Variants in CTNNA3 observed in about 807,000 individuals in gnomAD.
CTNNA3 encodes the protein catenin alpha 3, also known as catenin alpha-3.
CTNNA3 carries 76 observed loss-of-function variants against 95.7 expected under a neutral mutation model. That is an observed-to-expected ratio of 0.79 (90% CI 0.66 to 0.96). The LOEUF (loss-of-function observed/expected upper bound fraction) is 0.96, where lower values mean the gene tolerates loss of function less well. Ranked by LOEUF, CTNNA3 falls within the 40% of genes least tolerant of loss-of-function variation. CTNNA3 has a pLI of 0.00. For missense variants in CTNNA3, 1,191 were observed against 1,089.8 expected (o/e 1.09, Z -1.31); for synonymous variants, 431 against 374.4 (o/e 1.15, Z -1.74).
chr10:67,526,222 A>G (rs553656856), intron 4 of CTNNA3, among the ~76,000 whole-genome samples: 1 of 152,332 alleles, frequency 6.6e-6, no homozygotes, highest in South Asian at 2.1e-4. Context: ...AAATTATTTA[A>G]TGTTTCTGAA....
chr10:66,463,147 T>C (rs573837244), intron 11 of CTNNA3, among the ~76,000 whole-genome samples: 1 of 152,188 alleles, frequency 6.6e-6, no homozygotes, highest in Non-Finnish European at 1.5e-5. Flanking sequence ...CTGAAAAATC[T>C]CTTGTTGAAA....
intron 7 of CTNNA3, among the ~76,000 whole-genome samples, chr10:66,870,810 T>A (rs1219102317): frequency 6.6e-6 from 1 of 152,176 alleles, no homozygotes; most frequent in African/African-American, 2.4e-5. Context: ...TTTATGATTT[T>A]CTTTGTAGGG....
intron 9 of CTNNA3, among the ~76,000 whole-genome samples, chr10:66,659,636 A>G (rs1271347604): frequency 6.6e-6 from 1 of 152,102 alleles, no homozygotes; most frequent in African/African-American, 2.4e-5. Flanking sequence ...TGGGAGGTGG[A>G]TGGTTAATGA....
intron 11 of CTNNA3, among the ~76,000 whole-genome samples, chr10:66,515,551 T>A (rs567376425): frequency 6.6e-6 from 1 of 152,084 alleles, no homozygotes; most frequent in Non-Finnish European, 1.5e-5. Flanking sequence ...AAGATCATTG[T>A]ATTAGTCCAT....
At chr10:66,968,400 C>A (rs1482010881) in intron 7 of CTNNA3, among the ~76,000 whole-genome samples, 2 of 145,174 alleles carry the variant, frequency 1.4e-5, no homozygotes, top group African/African-American at 2.5e-5. Flanking sequence ...ATTAGTTTGA[C>A]ATTAAGGGAA....
At chr10:67,558,385 A>G (rs1429727371) in intron 3 of CTNNA3, among the ~76,000 whole-genome samples, 1 of 152,224 alleles carries the variant, frequency 6.6e-6, no homozygotes, top group Non-Finnish European at 1.5e-5. Context: ...CAGTTCTACC[A>G]TGCTTAAAAA....
intron 5 of CTNNA3, among the ~76,000 whole-genome samples, chr10:67,316,006 A>G (rs1444874873): frequency 6.6e-6 from 1 of 152,150 alleles, no homozygotes; most frequent in Non-Finnish European, 1.5e-5. Context: ...TGTTAATTTC[A>G]AACTCTTAGA....
chr10:66,520,492 T>C, intron 11 of CTNNA3, 125 bp downstream of exon 11: 3 of 736,620 alleles, frequency 4.1e-6, no homozygotes, highest in Non-Finnish European at 6.2e-6. Flanking sequence ...CCTCAAGTAA[T>C]CCACCTGCCT....
At chr10:66,193,435 T>A (rs1410836923) in intron 13 of CTNNA3, among the ~76,000 whole-genome samples, 1 of 152,110 alleles carries the variant, frequency 6.6e-6, no homozygotes, top group African/African-American at 2.4e-5. Context: ...AAATTATGCA[T>A]TGGATTTAGC....
chr10:67,158,266 C>CA lies in CTNNA3; in HGVS notation c.1047+22050dup, dbSNP rs911102381. On this transcript the variant is annotated intron_variant, in intron 7 of 17. Coordinates refer to ENST00000433211, the MANE Select transcript of CTNNA3 (RefSeq NM_013266.4). ...AATTGGAAAGATGATAAATGACCTC[C>CA]AAAAAAAAAATTATATAATACTATA... Among the ~76,000 whole-genome samples the CA allele has an allele frequency of 1.4e-4, 21 of 149,000 alleles. 1 individual carries two copies. Among genetic ancestry groups the CA allele is most frequent in the Admixed American group, 9.4e-4 (14 of 14,952 alleles).
At chr10:65,955,755 A>T (rs1454229922) in intron 17 of CTNNA3, among the ~76,000 whole-genome samples, 1 of 152,128 alleles carries the variant, frequency 6.6e-6, no homozygotes, top group Non-Finnish European at 1.5e-5. Context: ...ATCATGGTGG[A>T]TAAGCTTTTT....
chr10:66,204,634 G>C (rs72795400), intron 13 of CTNNA3, among the ~76,000 whole-genome samples: 3,870 of 152,242 alleles, frequency 0.025, 105 homozygotes, highest in East Asian at 0.15. Flanking sequence ...TGTGCTCTTA[G>C]TGACCCAAAG....
At chr10:66,493,632 C>T (rs867618640) in intron 11 of CTNNA3, among the ~76,000 whole-genome samples, 3 of 122,644 alleles carry the variant, frequency 2.4e-5, no homozygotes, top group Non-Finnish European at 4.7e-5. Context: ...GACCGAGTCT[C>T]GCTCTGTCGC....
chr10:67,042,603 G>A (rs1419433185), intron 7 of CTNNA3, among the ~76,000 whole-genome samples: 4 of 151,914 alleles, frequency 2.6e-5, no homozygotes, highest in Admixed American at 1.3e-4. Context: ...ACTGTCAGAA[G>A]CTAGGAGGAG....
intron 5 of CTNNA3, among the ~76,000 whole-genome samples, chr10:67,257,243 G>C (rs1866389809): frequency 1.3e-5 from 2 of 152,150 alleles, no homozygotes; most frequent in Non-Finnish European, 2.9e-5. Context: ...GTTGTTTTAA[G>C]AACAAGCAGG....
At chr10:66,129,326 C>G (rs2082978668) in intron 13 of CTNNA3, among the ~76,000 whole-genome samples, 1 of 152,158 alleles carries the variant, frequency 6.6e-6, no homozygotes, top group Admixed American at 6.5e-5. Flanking sequence ...GCTACTCTCA[C>G]ATTGGGCCTC....
chr10:66,696,521 C>T (rs1037085273), intron 9 of CTNNA3, among the ~76,000 whole-genome samples: 2 of 152,126 alleles, frequency 1.3e-5, no homozygotes, highest in Admixed American at 6.6e-5. Context: ...AGATTATTCC[C>T]TGCTATGATC....
intron 15 of CTNNA3, among the ~76,000 whole-genome samples, chr10:66,020,145 CA>C: frequency 6.6e-6 from 1 of 152,258 alleles, no homozygotes; most frequent in South Asian, 2.1e-4. Context: ...TGGCAAATAA[CA>C]GCAAAACAAA....
intron 3 of CTNNA3, among the ~76,000 whole-genome samples, chr10:67,542,585 T>A (rs976725146): frequency 2.6e-5 from 4 of 152,090 alleles, no homozygotes; most frequent in Non-Finnish European, 4.4e-5. Flanking sequence ...GATATAGATA[T>A]CAGTATGAAA....
Sources: allele counts gnomAD v4.1 joint callset (sites outside exome capture counted in the v4.1 genomes callset), GRCh38; gene constraint gnomAD v4.1.1; transcripts MANE v1.5; gene names NCBI Gene and HGNC (gene_info 2026-07-23, HGNC 2026-07-21).